Variants in RAPGEF1 observed in about 807,000 individuals in gnomAD.
RAPGEF1 encodes CRK SH3-binding GNRP.
RAPGEF1 carries 33 observed loss-of-function variants against 143.3 expected under a neutral mutation model. The observed-to-expected ratio is 0.23, with a 90% confidence interval of 0.17 to 0.31. The LOEUF (loss-of-function observed/expected upper bound fraction) is 0.31, where lower values mean the gene tolerates loss of function less well. Ranked by LOEUF, RAPGEF1 falls within the 10% of genes least tolerant of loss-of-function variation. RAPGEF1 has a pLI of 1.00. For missense variants in RAPGEF1, 1,199 were observed against 1,645.4 expected (o/e 0.73, Z 4.69); for synonymous variants, 629 against 676.5 (o/e 0.93, Z 1.09).
chr9:131,586,989 T>A (rs974727326), intron 22 of RAPGEF1, among the ~76,000 whole-genome samples: 1 of 27,394 alleles, frequency 3.7e-5, no homozygotes, highest in African/African-American at 1.6e-4. Flanking sequence ...CACACACACC[T>A]GCAGAGTGAG....
intron 1 of RAPGEF1, among the ~76,000 whole-genome samples, chr9:131,733,372 G>C (rs1447522204): frequency 3.0e-5 from 4 of 132,408 alleles, no homozygotes; most frequent in Non-Finnish European, 6.6e-5. Context: ...GGGCGGGGGG[G>C]GGGGTGGTGC....
intron 4 of RAPGEF1, among the ~76,000 whole-genome samples, chr9:131,639,762 G>A (rs1164338238): frequency 3.3e-5 from 5 of 152,056 alleles, no homozygotes; most frequent in Non-Finnish European, 2.9e-5. Flanking sequence ...GCAGATTTAG[G>A]AGCCAAAGAT....
chr9:131,644,393 TAAAA>T (rs34822352), intron 3 of RAPGEF1, among the ~76,000 whole-genome samples: 1 of 137,236 alleles, frequency 7.3e-6, no homozygotes, highest in Non-Finnish European at 1.6e-5. Flanking sequence ...GGCTGTCCTT[TAAAA>T]AAAAAAAAAA....
chr9:131,619,660 G>C (rs1329733315), intron 11 of RAPGEF1, among the ~76,000 whole-genome samples: 1 of 152,218 alleles, frequency 6.6e-6, no homozygotes, highest in African/African-American at 2.4e-5. Flanking sequence ...CCGTGCCTCA[G>C]GTTTTCCATC....
chr9:131,691,136 ACTGTATTTG>A (rs1301684636), intron 1 of RAPGEF1, among the ~76,000 whole-genome samples: 1 of 152,212 alleles, frequency 6.6e-6, no homozygotes, highest in Non-Finnish European at 1.5e-5. Flanking sequence ...TATGTAACTT[ACTGTATTTG>A]CCTTCTGAAG....
chr9:131,584,655 G>A lies in RAPGEF1; in HGVS notation c.3234-59C>T, dbSNP rs1370420513. ...TTGACAAGTCCCTGCAGGTCCCAGG[G>A]GTCCTGGTGGAGACAGGACCTGTAC... is the stretch of plus-strand genomic sequence containing the variant. On this transcript the variant is annotated intron_variant, in intron 22 of 26. Transcript: ENST00000683357. The surrounding 1 kb of genome is among the most constrained non-coding windows in gnomAD (Gnocchi z 6.8). 7 of 1,569,080 alleles carry A rather than the reference G, an allele frequency of 4.5e-6. No individual in the cohort carries two copies. Among genetic ancestry groups the A allele is most frequent in the African/African-American group, 2.7e-5 (2 of 73,900 alleles).
intron 1 of RAPGEF1, among the ~76,000 whole-genome samples, chr9:131,697,247 C>T (rs1029917727): frequency 2.0e-5 from 3 of 152,190 alleles, no homozygotes; most frequent in Non-Finnish European, 4.4e-5. Flanking sequence ...CCAGGGACTC[C>T]AAGAAGGGCC....
At position 131,588,030 on chromosome 9, in the gene RAPGEF1, G is replaced by C. The variant is rs1245846616; in HGVS notation, c.3054-4C>G. The C allele has an allele frequency of 2.5e-6, 4 of 1,610,766 alleles. No individual in the cohort carries two copies. The highest frequency in any genetic ancestry group is 3.4e-6 in the Non-Finnish European group (4 of 1,178,884). On this transcript the variant is annotated splice_polypyrimidine_tract_variant and splice_region_variant and intron_variant, in intron 20 of 26. Transcript: ENST00000683357. Reference sequence around the variant, plus strand: ...AAAGTCGTGCAAGGTCCCCGGCCTGGAAGACAGAGGTGTGAGAAGAGCCGT... The same window carrying C: ...AAAGTCGTGCAAGGTCCCCGGCCTGCAAGACAGAGGTGTGAGAAGAGCCGT...
chr9:131,724,240 A>G (rs1027426790), intron 1 of RAPGEF1, among the ~76,000 whole-genome samples: 3 of 152,168 alleles, frequency 2.0e-5, no homozygotes, highest in African/African-American at 7.2e-5. Flanking sequence ...ATTTTCAGAC[A>G]TGCTTTCAGG....
At chr9:131,605,241 G>A in intron 12 of RAPGEF1, 53 bp from the exon 13 acceptor site, 1 of 1,216,520 alleles carries the variant, frequency 8.2e-7, no homozygotes, top group Admixed American at 3.0e-5. Context: ...GAAGAAAAGA[G>A]AAAAAGTAAT....
Position 131,628,993 on chromosome 9 carries a change from A to AT in RAPGEF1, c.893+108_893+109insA, listed in dbSNP as rs747364013. 41 of 1,410,700 alleles carry AT rather than the reference A, an allele frequency of 2.9e-5. No individual in the cohort carries two copies. The highest frequency in any genetic ancestry group is 3.9e-5 in the Non-Finnish European group (41 of 1,057,986). The allele number at this position is 1,410,700 out of a possible 1,614,324, so 87.4% of individuals were successfully genotyped here. A position where few individuals can be genotyped will look rare whatever the true frequency, so the allele number is the denominator to read the frequency against. On this transcript the variant is annotated intron_variant, in intron 7 of 26. Transcript: ENST00000683357. This position sits in a 1 kb window ranked among gnomAD's most constrained non-coding sequence, Gnocchi z 5.7. ...GGGACAGCTCCAGAGTCAGCCTCCC[A>AT]AGGGGGGCCAAGCCCTCAGCGCTGA...
intron 1 of RAPGEF1, chr9:131,737,672 T>TA (rs1837506765): frequency 3.2e-5 from 40 of 1,251,148 alleles, no homozygotes; most frequent in Non-Finnish European, 3.5e-5. Context: ...TTTCCTTTTT[T>TA]TAAAAAAAGA....
chr9:131,668,502 A>G (rs1171937063), intron 1 of RAPGEF1, among the ~76,000 whole-genome samples: 1 of 152,068 alleles, frequency 6.6e-6, no homozygotes, highest in Non-Finnish European at 1.5e-5. Flanking sequence ...AGATGACGAG[A>G]CCGAGTCACA....
At chr9:131,643,121 G>A (rs1232491455) in intron 4 of RAPGEF1, 118 bp downstream of exon 4, 59 of 1,156,618 alleles carry the variant, frequency 5.1e-5, no homozygotes, top group Non-Finnish European at 7.0e-5. Context: ...AGGATGAGGG[G>A]TGATGGAGTC....
intron 1 of RAPGEF1, among the ~76,000 whole-genome samples, chr9:131,690,432 A>G (rs1482891805): frequency 6.6e-6 from 1 of 152,244 alleles, no homozygotes; most frequent in Non-Finnish European, 1.5e-5. Context: ...GCTAAAATTA[A>G]AAGGAAATTA....
At chr9:131,664,006 C>A (rs752296803) in intron 1 of RAPGEF1, among the ~76,000 whole-genome samples, 7 of 152,104 alleles carry the variant, frequency 4.6e-5, no homozygotes, top group Admixed American at 4.6e-4. Context: ...AGGCCCCCAC[C>A]CTTTACTTTT....
chr9:131,584,215 C>T lies in RAPGEF1; in HGVS notation c.3414+96G>A. ...AGCAGGGGCCTAGGCCCAGCATTTG[C>T]TCCAGTGGGAGCACTTTCTGCCACA... On this transcript the variant is annotated intron_variant, in intron 24 of 26. Coordinates refer to ENST00000683357, the MANE Select transcript of RAPGEF1 (RefSeq NM_001377935.1). This position sits in a 1 kb window ranked among gnomAD's most constrained non-coding sequence, Gnocchi z 6.8. The T allele has an allele frequency of 1.7e-6, 2 of 1,179,750 alleles. No individual in the cohort carries two copies. Among genetic ancestry groups the T allele is most frequent in the Non-Finnish European group, 1.2e-6 (1 of 818,502 alleles). 73.1% of individuals were successfully genotyped at this position (1,179,750 alleles called of 1,614,324 possible).
intron 1 of RAPGEF1, among the ~76,000 whole-genome samples, chr9:131,715,972 A>G (rs1402296460): frequency 1.3e-5 from 2 of 151,992 alleles, no homozygotes; most frequent in Non-Finnish European, 2.9e-5. Flanking sequence ...ACAGGAGGCT[A>G]GAGGCCCCAA....
intron 1 of RAPGEF1, among the ~76,000 whole-genome samples, chr9:131,706,594 T>C (rs1382121652): frequency 6.6e-6 from 1 of 152,170 alleles, no homozygotes; most frequent in Non-Finnish European, 1.5e-5. Flanking sequence ...TAATTCCAGT[T>C]TGTAAACACT....
Sources: gnomAD v4.1 joint callset for allele counts (sites outside exome capture counted in the v4.1 genomes callset) on GRCh38, gnomAD v4.1.1 for gene constraint, Gnocchi (gnomAD v3.1) non-coding constraint, MANE v1.5 for transcripts, NCBI Gene and HGNC (gene_info 2026-07-23, HGNC 2026-07-21) for gene names.